The following NEBL variants were observed in gnomAD, a reference collection of about 807,000 sequenced individuals.
NEBL encodes the protein LIM and SH3 protein 2.
Under a neutral mutation model 140.2 loss-of-function variants are expected in NEBL, and 122 were observed. That is an observed-to-expected ratio of 0.87 (90% CI 0.75 to 1.01). NEBL has a LOEUF of 1.01. Among genes scored for constraint, NEBL ranks in the 50% least tolerant of loss-of-function variants. The probability of loss-of-function intolerance (pLI) is 0.00; values close to 1 mark genes in which losing one functional copy is unlikely to be tolerated. For synonymous variants in NEBL, 436 were observed against 398.9 expected, an observed-to-expected ratio of 1.09 and a Z score of -1.11; for missense variants, 1,365 against 1,231.3, an observed-to-expected ratio of 1.11 and a Z score of -1.62.
intron 2 of NEBL, among the ~76,000 whole-genome samples, chr10:21,088,169 G>A (rs1836732390): frequency 6.6e-6 from 1 of 152,114 alleles, no homozygotes; most frequent in South Asian, 2.1e-4. Flanking sequence ...TCAGTCTTCT[G>A]GCAGAGGGAA....
chr10:21,181,007 A>C (rs1180217166), intron 3 of NEBL, among the ~76,000 whole-genome samples: 1 of 152,118 alleles, frequency 6.6e-6, no homozygotes, highest in Non-Finnish European at 1.5e-5. Context: ...CATATCTGTA[A>C]TCCCAGCATT....
In NEBL at chr10:21,218,432, T is replaced by G. The variant is rs142567327; in HGVS notation, n.348+29489A>C. ...TTACAATGCAATGATATTTGAAGACTCTATGTGATGGTGTGTCTTCTTTCT... is the reference window on the plus strand; with the variant it reads ...TTACAATGCAATGATATTTGAAGACGCTATGTGATGGTGTGTCTTCTTTCT... On this transcript the variant is annotated intron_variant and non_coding_transcript_variant, in intron 3 of 8. Coordinates refer to the NEBL transcript ENST00000675702. Among the ~76,000 whole-genome samples, 687 of 152,092 alleles carry G rather than the reference T, an allele frequency of 4.5e-3. 7 individuals are homozygous for G. Among genetic ancestry groups the G allele is most frequent in the African/African-American group, 0.015 (634 of 41,338 alleles).
chr10:20,887,891 T>C (rs1846667651), intron 4 of NEBL, among the ~76,000 whole-genome samples: 1 of 152,226 alleles, frequency 6.6e-6, no homozygotes, highest in Non-Finnish European at 1.5e-5. Context: ...CAGAAAACAG[T>C]ACCATGTGAC....
chr10:20,815,561 G>A (rs1323965466), intron 22 of NEBL, 64 bp downstream of exon 22: 6 of 1,228,216 alleles, frequency 4.9e-6, no homozygotes, highest in Non-Finnish European at 7.2e-6. Context: ...AGCAAAGGAG[G>A]ACCGCAAGTA....
chr10:21,014,064 A>T (rs1226843791), intron 3 of NEBL, among the ~76,000 whole-genome samples: 1 of 152,106 alleles, frequency 6.6e-6, no homozygotes, highest in Non-Finnish European at 1.5e-5. Flanking sequence ...AACATACTTA[A>T]AATACACTCC....
intron 1 of NEBL, among the ~76,000 whole-genome samples, chr10:21,255,208 G>T (rs1212014958): frequency 6.6e-6 from 1 of 152,136 alleles, no homozygotes; most frequent in Non-Finnish European, 1.5e-5. Flanking sequence ...TAACCCATGA[G>T]TGGCACATAT....
chr10:21,133,886 T>C (rs1345997811), intron 2 of NEBL, among the ~76,000 whole-genome samples: 3 of 150,572 alleles, frequency 2.0e-5, no homozygotes, highest in Non-Finnish European at 4.4e-5. Flanking sequence ...TATAAGTCAA[T>C]CTCTGTTTTG....
In NEBL at chr10:20,881,142, AT is replaced by A. The variant is rs372898663; in HGVS notation, c.370-239del. 9.2e-5 allele frequency among the ~76,000 whole-genome samples: 14 copies of A among 152,238 alleles called. No individual in the cohort carries two copies. In the East Asian group the frequency reaches 2.7e-3, roughly 29 times the overall value. ...GTCCTTGACCAAAGATGAAATTTCCATTTTTATTCATCTAGCTTAAACCTCG... is the reference window on the plus strand; with the variant it reads ...GTCCTTGACCAAAGATGAAATTTCCATTTTATTCATCTAGCTTAAACCTCG... On this transcript the variant is annotated intron_variant, in intron 4 of 27. Coordinates refer to ENST00000377122, the MANE Select transcript of NEBL (RefSeq NM_006393.3).
chr10:20,876,443 G>A lies in NEBL; in HGVS notation c.480+4351C>T, dbSNP rs1433197844. 3.3e-5 allele frequency among the ~76,000 whole-genome samples: 5 copies of A among 151,476 alleles called. No homozygotes were observed. The East Asian group carries it at 7.8e-4, about 24-fold the overall frequency. On this transcript the variant is annotated intron_variant, in intron 5 of 27. Transcript: ENST00000377122. ...AAGCACTATTATTGTAAGTCTCATC[G>A]GGGAACCACAGAGAGCCATAATTGT...
intron 19 of NEBL, among the ~76,000 whole-genome samples, chr10:20,822,819 G>T (rs539393222): frequency 6.6e-6 from 1 of 152,192 alleles, no homozygotes; most frequent in African/African-American, 2.4e-5. Context: ...AAAGGTACAA[G>T]AACAGTTGTG....
At chr10:21,011,607 G>A (rs1433901416) in intron 3 of NEBL, among the ~76,000 whole-genome samples, 1 of 152,186 alleles carries the variant, frequency 6.6e-6, no homozygotes, top group African/African-American at 2.4e-5. Flanking sequence ...GGTGTCTCCT[G>A]TCCTCTCAGG....
Position 21,194,800 on chromosome 10 carries a change from C to T in NEBL, n.349-22323G>A, listed in dbSNP as rs189506919. On this transcript the variant is annotated intron_variant and non_coding_transcript_variant, in intron 3 of 8. Coordinates refer to the NEBL transcript ENST00000675702. ...AAGTTTTCAATCATTTGCTACCCCT[C>T]GCCCCGCCGCCCTGACCCCCACCCC... Among the ~76,000 whole-genome samples the T allele has an allele frequency of 2.6e-3, 402 of 152,118 alleles. 3 individuals carry two copies. The highest frequency in any genetic ancestry group is 9.3e-3 in the African/African-American group (385 of 41,480).
At chr10:21,083,576 G>C (rs1836484725) in intron 2 of NEBL, among the ~76,000 whole-genome samples, 1 of 152,206 alleles carries the variant, frequency 6.6e-6, no homozygotes, top group South Asian at 2.1e-4. Context: ...CTCGGTGGAA[G>C]AGAGAGAATA....
Position 21,125,989 on chromosome 10 carries a change from G to T in NEBL, c.164+46394C>A, listed in dbSNP as rs139744509. The stretch of plus-strand genomic sequence containing the variant: ...TGGTTCAGGAGCTGCCTGGATGGGC[G>T]GCTTGTAGAGACTGAAGCTGACTCT... On this transcript the variant is annotated intron_variant, in intron 2 of 6. Coordinates refer to the NEBL transcript ENST00000417816. 2.7e-4 allele frequency: 439 copies of T among 1,614,176 alleles called. 2 individuals carry two copies. The African/African-American group carries it at 5.0e-3, about 19-fold the overall frequency.
chr10:20,798,920 A>C (rs1215202044), intron 26 of NEBL, among the ~76,000 whole-genome samples: 1 of 152,196 alleles, frequency 6.6e-6, no homozygotes, highest in Non-Finnish European at 1.5e-5. Flanking sequence ...AAAACGTATG[A>C]CATTTCTTTC....
intron 13 of NEBL, among the ~76,000 whole-genome samples, chr10:20,837,664 GC>G (rs1841027401): frequency 6.6e-6 from 1 of 152,152 alleles, no homozygotes; most frequent in African/African-American, 2.4e-5. Flanking sequence ...GGAAAAAGAT[GC>G]CATCTAGGAC....
intron 5 of NEBL, among the ~76,000 whole-genome samples, chr10:20,877,359 T>C (rs995412237): frequency 1.3e-5 from 2 of 152,248 alleles, no homozygotes; most frequent in African/African-American, 4.8e-5. Context: ...AACCAATGTC[T>C]GACTCCAAAT....
intron 4 of NEBL, among the ~76,000 whole-genome samples, chr10:20,884,629 A>T (rs760056970): frequency 6.6e-5 from 10 of 152,244 alleles, no homozygotes; most frequent in Non-Finnish European, 1.3e-4. Flanking sequence ...CATAACTTAC[A>T]TTATATTTTA....
intron 3 of NEBL, among the ~76,000 whole-genome samples, chr10:20,982,267 G>A (rs573797415): frequency 3.2e-4 from 48 of 152,306 alleles, no homozygotes; most frequent in African/African-American, 1.1e-3. Flanking sequence ...ATCCTCAGAT[G>A]GGACTCCCCC....
Sources: gnomAD v4.1 joint callset for allele counts (sites outside exome capture counted in the v4.1 genomes callset) on GRCh38, gnomAD v4.1.1 for gene constraint, MANE v1.5 for transcripts, NCBI Gene and HGNC (gene_info 2026-07-23, HGNC 2026-07-21) for gene names.